CAMK2B: variants seen among roughly 807,000 people sequenced by gnomAD.
CAMK2B encodes calcium/calmodulin dependent protein kinase II beta.
A neutral mutation model predicts 93.7 loss-of-function variants in CAMK2B; 27 were observed. The ratio of observed to expected loss-of-function variants is 0.29; its 90% CI spans 0.21 to 0.40. CAMK2B has a LOEUF of 0.40. Ranked by LOEUF, CAMK2B falls within the 10% of genes least tolerant of loss-of-function variation. CAMK2B has a pLI of 1.00. For missense variants in CAMK2B, 568 were observed against 895.8 expected, an observed-to-expected ratio of 0.63 and a Z score of 4.67; for synonymous variants, 374 against 358.8, an observed-to-expected ratio of 1.04 and a Z score of -0.48.
rs1462395367 is a variant in CAMK2B at position 44,220,308 on chromosome 7, G to A, written c.1769-14C>T. On this transcript the variant is annotated splice_polypyrimidine_tract_variant and intron_variant, in intron 22 of 23. Coordinates refer to ENST00000395749, the MANE Select transcript of CAMK2B (RefSeq NM_001220.5). ...TCTTGGCCAGCACTGTGGACAGCAG[G>A]CGGGGCGGGGGTCTCGGGTTACCAT... The A allele has an allele frequency of 6.2e-7, 1 of 1,602,152 alleles. No individual in the cohort carries two copies. The highest frequency in any genetic ancestry group is 1.1e-5 in the South Asian group (1 of 90,590).
chr7:44,271,954 C>G lies in CAMK2B; in HGVS notation c.161-8890G>C, dbSNP rs1225691306. Among the ~76,000 whole-genome samples, 1 of 152,170 alleles carries G rather than the reference C, an allele frequency of 6.6e-6. No individual in the cohort carries two copies. Among genetic ancestry groups the G allele is most frequent in the Non-Finnish European group, 1.5e-5 (1 of 68,022 alleles). ...CAGGCCTGTGAGCTGCTCATGGCAC[C>G]CATGAAACAGGGCTGTTGCTGCGTC... On this transcript the variant is annotated intron_variant, in intron 2 of 23. Transcript: ENST00000395749. This position sits in a 1 kb window ranked among gnomAD's most constrained non-coding sequence, Gnocchi z 4.2.
chr7:44,232,944 GA>G (rs1562833641), intron 15 of CAMK2B, 78 bp from the exon 16 acceptor site: 4 of 1,304,090 alleles, frequency 3.1e-6, no homozygotes, highest in Non-Finnish European at 4.4e-6. Flanking sequence ...ACCAGGAGGG[GA>G]ACAGGGAGAC....
At chr7:44,299,271 A>G (rs1001192670) in intron 1 of CAMK2B, among the ~76,000 whole-genome samples, 16 of 152,260 alleles carry the variant, frequency 1.1e-4, no homozygotes, top group African/African-American at 3.9e-4. Flanking sequence ...CGCTAAGTGA[A>G]ATAAGCCAGT....
At chr7:44,250,572 C>G (rs1441871911) in intron 5 of CAMK2B, among the ~76,000 whole-genome samples, 1 of 149,416 alleles carries the variant, frequency 6.7e-6, no homozygotes, top group East Asian at 1.9e-4. Flanking sequence ...CTCTGTCACC[C>G]AGGCTGGAGT....
rs983736422 is a variant in CAMK2B at position 44,229,456 on chromosome 7, C to T, written c.1271G>A (p.Gly424Glu). 9 of 1,484,474 alleles carry T rather than the reference C, an allele frequency of 6.1e-6. No individual in the cohort carries two copies. Among genetic ancestry groups the T allele is most frequent in the Non-Finnish European group, 7.2e-6 (8 of 1,118,374 alleles). 92.0% of individuals were successfully genotyped at this position (1,484,474 alleles called of 1,614,324 possible). A position where few individuals can be genotyped will look rare whatever the true frequency, so the allele number is the denominator to read the frequency against. The change falls in exon 18 of 24, where the codon GGA (glycine) becomes GAA (glutamate). Residue 424 changes from glycine (G) to glutamate (E), a missense_variant. Around this residue, in one of 4 missense-constraint regions of CAMK2B, gnomAD observed 308 missense variants for 292.1 expected, o/e 1.05. Coordinates refer to ENST00000395749, the MANE Select transcript of CAMK2B (RefSeq NM_001220.5). ...DILSSVRRGS[G>E]APEAEGPLPC... ...CAGGGGCCCCTCGGCTTCTGGGGCT[C>T]CCGAGCCCCTCCTCACTGAGCTCAG...
At chr7:44,270,446 G>A (rs886998997) in intron 2 of CAMK2B, among the ~76,000 whole-genome samples, 7 of 152,194 alleles carry the variant, frequency 4.6e-5, no homozygotes, top group African/African-American at 7.2e-5. Context: ...CCACCTGTGC[G>A]CTGGACTAGG....
chr7:44,314,622 G>A (rs2116331712), intron 1 of CAMK2B, among the ~76,000 whole-genome samples: 1 of 152,296 alleles, frequency 6.6e-6, no homozygotes, highest in Admixed American at 6.5e-5. Flanking sequence ...TGTTTTCATA[G>A]CTCTTGGGCA....
intron 4 of CAMK2B, among the ~76,000 whole-genome samples, chr7:44,256,255 G>A (rs967800240): frequency 6.6e-6 from 1 of 152,234 alleles, no homozygotes; most frequent in Non-Finnish European, 1.5e-5. Context: ...AGCTTGGCCT[G>A]TCCGTGTGAG....
chr7:44,251,239 G>C (rs1438658412), intron 5 of CAMK2B, among the ~76,000 whole-genome samples: 1 of 152,206 alleles, frequency 6.6e-6, no homozygotes, highest in South Asian at 2.1e-4. Context: ...AACCCTGACT[G>C]TTCAGACATG....
At chr7:44,300,975 G>T (rs1181061060) in intron 1 of CAMK2B, among the ~76,000 whole-genome samples, 4 of 152,024 alleles carry the variant, frequency 2.6e-5, no homozygotes, top group African/African-American at 9.7e-5. Context: ...ATAACAGAAA[G>T]ATAGCTGGAA....
chr7:44,279,970 G>A (rs1179434568), intron 2 of CAMK2B, among the ~76,000 whole-genome samples: 1 of 152,164 alleles, frequency 6.6e-6, no homozygotes. Context: ...CCTCAGGACT[G>A]CCTCTCCCAG....
intron 1 of CAMK2B, among the ~76,000 whole-genome samples, chr7:44,287,463 C>G (rs1465179414): frequency 1.3e-5 from 2 of 152,218 alleles, no homozygotes; most frequent in African/African-American, 4.8e-5. Context: ...CTGTCTCCTC[C>G]CCTTCCTGGT....
rs752715027 is a variant in CAMK2B at position 44,225,809 on chromosome 7, C to T, written c.1597+707G>A. ...CGAGCCCGTGGCCCAGCAGCCTCTT[C>T]TCTAAGAGTATCTCCACACCACCCC... On this transcript the variant is annotated intron_variant, in intron 20 of 23. Coordinates refer to ENST00000395749, the MANE Select transcript of CAMK2B (RefSeq NM_001220.5). The surrounding 1 kb of genome is among the most constrained non-coding windows in gnomAD (Gnocchi z 5.0). 7.0e-6 allele frequency: 9 copies of T among 1,289,528 alleles called. No individual in the cohort carries two copies. The highest frequency in any genetic ancestry group is 8.1e-6 in the Non-Finnish European group (8 of 988,804). 79.9% of individuals were successfully genotyped at this position (1,289,528 alleles called of 1,614,324 possible).
Position 44,220,815 on chromosome 7 carries a change from C to G in CAMK2B, c.1673+11G>C. 1 of 1,563,504 alleles carries G rather than the reference C, an allele frequency of 6.4e-7. No homozygotes were observed. Among genetic ancestry groups the G allele is most frequent in the Non-Finnish European group, 8.7e-7 (1 of 1,153,196 alleles). ...GTCCTGCACAGCCCCCCCCCAGCCC[C>G]AGGGACTCACGCGTAGGCCTCAAAG... On this transcript the variant is annotated intron_variant, in intron 21 of 23. Transcript: ENST00000395749.
At chr7:44,321,974 C>T (rs1045207276) in intron 1 of CAMK2B, among the ~76,000 whole-genome samples, 7 of 152,230 alleles carry the variant, frequency 4.6e-5, no homozygotes, top group Non-Finnish European at 5.9e-5. Flanking sequence ...GGCAGCCCCA[C>T]TGCCAGGGAC....
chr7:44,323,439 C>T (rs534245293), intron 1 of CAMK2B, among the ~76,000 whole-genome samples: 1 of 152,378 alleles, frequency 6.6e-6, no homozygotes, highest in Admixed American at 6.5e-5. Flanking sequence ...GGAGCCACCT[C>T]TCTCAACCTT....
At chr7:44,262,733 A>T (rs1359226856) in intron 3 of CAMK2B, among the ~76,000 whole-genome samples, 1 of 151,972 alleles carries the variant, frequency 6.6e-6, no homozygotes, top group Non-Finnish European at 1.5e-5. Context: ...TGGGAAAGGG[A>T]CCTGTCCAGT....
chr7:44,310,547 A>G (rs1793267507), intron 1 of CAMK2B, among the ~76,000 whole-genome samples: 1 of 152,232 alleles, frequency 6.6e-6, no homozygotes, highest in Admixed American at 6.5e-5. Context: ...AGCATTATTC[A>G]CAACAGCCAA....
At chr7:44,307,994 C>T (rs1460562688) in intron 1 of CAMK2B, among the ~76,000 whole-genome samples, 1 of 152,030 alleles carries the variant, frequency 6.6e-6, no homozygotes, top group Non-Finnish European at 1.5e-5. Flanking sequence ...CCTCCCAAAG[C>T]GCTGGGATTC....
Sources: gnomAD v4.1 joint callset for allele counts (sites outside exome capture counted in the v4.1 genomes callset) on GRCh38, gnomAD v4.1.1 for gene constraint, gnomAD v4.1.1 regional missense constraint, Gnocchi (gnomAD v3.1) non-coding constraint, MANE v1.5 for transcripts, NCBI Gene and HGNC (gene_info 2026-07-23, HGNC 2026-07-21) for gene names.